Variants in MAGEB4 observed in about 807,000 individuals in gnomAD.
The protein encoded by MAGEB4 is melanoma-associated antigen B4.
For missense variants in MAGEB4, 237 were observed against 269.3 expected (o/e 0.88, Z 0.84); for synonymous variants, 101 against 101.9 (o/e 0.99, Z 0.05).
At position 30,242,782 on chromosome X, in the gene MAGEB4, G is replaced by A. The variant is rs770408937; in HGVS notation, c.647G>A (p.Arg216His). The A allele has an allele frequency of 2.6e-5, 32 of 1,210,232 alleles. No individual in the cohort carries two copies. Among genetic ancestry groups the A allele is most frequent in the East Asian group, 5.9e-5 (2 of 33,793 alleles). ...ATCTTCTTAAATGGCAACTGTGCCC[G>A]TGAAGAGGAAATCTGGGAATTCCTG... The part of the protein sequence containing the change: ...SVIFLNGNCA[R>H]EEEIWEFLNM... Residue 216 changes from arginine (R) to histidine (H), a missense_variant, in exon 1 of 1, where the codon CGT (arginine) becomes CAT (histidine). Physicochemically the swap from Arg to His is conservative, Grantham distance 29. Coordinates refer to ENST00000378982, the MANE Select transcript of MAGEB4 (RefSeq NM_002367.4).
In MAGEB4 at chrX:30,242,683, G is replaced by A. The variant is rs141709716; in HGVS notation, c.548G>A (p.Gly183Asp). The A allele has an allele frequency of 4.1e-6, 5 of 1,210,118 alleles. No individual in the cohort carries two copies. The African/African-American group carries it at 8.7e-5, about 21-fold the overall frequency. Reference protein sequence around the residue: ...THSYILVSMLGPNDGNQSSAW... With the variant: ...THSYILVSMLDPNDGNQSSAW... ...TCCTACATCCTCGTCAGCATGCTAG[G>A]CCCCAACGATGGAAACCAGAGCAGT... Residue 183 changes from glycine to aspartate, a missense_variant, in exon 1 of 1, where the codon GGC becomes GAC. Physicochemically the swap from Gly to Asp is moderately conservative, Grantham distance 94. Coordinates refer to ENST00000378982, the MANE Select transcript of MAGEB4 (RefSeq NM_002367.4).
At position 30,242,717 on chromosome X, in the gene MAGEB4, C is replaced by A. The variant is rs1193369755; in HGVS notation, c.582C>A (p.Thr194=). The stretch of plus-strand genomic sequence containing the variant: ...ATGGAAACCAGAGCAGTGCCTGGAC[C>A]CTTCCAAGGAATGGGCTTCTGATGC... ...PNDGNQSSAW[T]LPRNGLLMPL... The change falls in exon 1 of 1, where the codon ACC becomes ACA. Residue 194 remains threonine (T), a synonymous_variant. Coordinates refer to ENST00000378982, the MANE Select transcript of MAGEB4 (RefSeq NM_002367.4). 1 of 1,209,576 alleles carries A rather than the reference C, an allele frequency of 8.3e-7. No homozygotes were observed. The highest frequency in any genetic ancestry group is 1.7e-5 in the African/African-American group (1 of 57,229).
At position 30,242,493 on chromosome X, in the gene MAGEB4, C is replaced by T. The variant is rs1217915259; in HGVS notation, c.358C>T (p.Leu120=). 8.3e-7 allele frequency: 1 copy of T among 1,210,766 alleles called. No individual in the cohort carries two copies. Among genetic ancestry groups the T allele is most frequent in the Admixed American group, 2.2e-5 (1 of 46,049 alleles). The part of the protein sequence containing the change: ...TRKTKMLVQF[L]LYKYKMKEPT... ...GAAGACGAAGATGTTAGTGCAGTTCCTGCTGTACAAGTATAAAATGAAAGA... is the reference window on the plus strand; with the variant it reads ...GAAGACGAAGATGTTAGTGCAGTTCTTGCTGTACAAGTATAAAATGAAAGA... Residue 120 remains leucine, a synonymous_variant, in exon 1 of 1, where the codon CTG becomes TTG. Coordinates refer to ENST00000378982, the MANE Select transcript of MAGEB4 (RefSeq NM_002367.4).
rs149213172 is a variant in MAGEB4 at position 30,242,445 on chromosome X, T to A, written c.310T>A (p.Ser104Thr). 4.1e-6 allele frequency: 5 copies of A among 1,207,296 alleles called. No individual in the cohort carries two copies. The African/African-American group carries it at 8.8e-5, about 21-fold the overall frequency. Residue 104 changes from serine to threonine, a missense_variant, in exon 1 of 1, where the codon TCA (serine) becomes ACA (threonine). Physicochemically the swap from Ser to Thr is moderately conservative, Grantham distance 58 (BLOSUM62 1). Coordinates refer to ENST00000378982, the MANE Select transcript of MAGEB4 (RefSeq NM_002367.4). ...SSQASTSTERSLKDSLTRKTK... is the reference protein window; with the variant it reads ...SSQASTSTERTLKDSLTRKTK... Reference sequence around the variant, plus strand: ...CCAGGCCTCAACATCCACTGAGAGATCACTCAAAGATTCTCTAACCAGGAA... The same window carrying A: ...CCAGGCCTCAACATCCACTGAGAGAACACTCAAAGATTCTCTAACCAGGAA...
Position 30,242,592 on chromosome X carries a change from A to G in MAGEB4, c.457A>G (p.Lys153Glu). 1 of 1,210,695 alleles carries G rather than the reference A, an allele frequency of 8.3e-7. No homozygotes were observed. The highest frequency in any genetic ancestry group is 1.1e-6 in the Non-Finnish European group (1 of 894,788). Residue 153 changes from lysine (K) to glutamate (E), a missense_variant, in exon 1 of 1, where the codon AAA (lysine) becomes GAA (glutamate). Transcript: ENST00000378982. ...YKEHFPEIFR[K>E]VSQRTELVFG... Reference sequence around the variant, plus strand: ...GGAGCACTTCCCTGAGATCTTCAGGAAAGTCTCTCAGCGCACGGAGCTGGT... The same window carrying G: ...GGAGCACTTCCCTGAGATCTTCAGGGAAGTCTCTCAGCGCACGGAGCTGGT...
Position 30,242,072 on chromosome X carries a change from C to T in MAGEB4, c.-64C>T. On this transcript the variant is annotated 5_prime_UTR_variant, in exon 1 of 1. Coordinates refer to ENST00000378982, the MANE Select transcript of MAGEB4 (RefSeq NM_002367.4). ...TTCTCAGGATTTCATTTGCTCTTCTCCAGGAACCACATCACCTGCCCTTCT... is the reference window on the plus strand; with the variant it reads ...TTCTCAGGATTTCATTTGCTCTTCTTCAGGAACCACATCACCTGCCCTTCT... 1 of 967,854 alleles carries T rather than the reference C, an allele frequency of 1.0e-6. No individual in the cohort carries two copies. Among genetic ancestry groups the T allele is most frequent in the African/African-American group, 1.9e-5 (1 of 51,878 alleles). 79.8% of individuals were successfully genotyped at this position (967,854 alleles called of 1,213,427 possible).
Position 30,243,022 on chromosome X carries a change from C to T in MAGEB4, c.887C>T (p.Thr296Ile), listed in dbSNP as rs1039297460. Residue 296 changes from threonine (T) to isoleucine (I), a missense_variant, in exon 1 of 1, where the codon ACC becomes ATC. Coordinates refer to ENST00000378982, the MANE Select transcript of MAGEB4 (RefSeq NM_002367.4). ...TTTTTGGCCAAGGTGAATGACACCA[C>T]CCCCAATAACTTCCCACTGCTTTAT... ...LEFLAKVNDTTPNNFPLLYEE... is the reference protein window; with the variant it reads ...LEFLAKVNDTIPNNFPLLYEE... 2 of 1,209,793 alleles carry T rather than the reference C, an allele frequency of 1.7e-6. No individual in the cohort carries two copies. Among genetic ancestry groups the T allele is most frequent in the African/African-American group, 3.5e-5 (2 of 57,060 alleles).
In MAGEB4 at chrX:30,242,113, T is replaced by C; in HGVS notation, c.-23T>C. The C allele has an allele frequency of 9.0e-7, 1 of 1,114,638 alleles. No individual in the cohort carries two copies. The highest frequency in any genetic ancestry group is 1.2e-6 in the Non-Finnish European group (1 of 844,981). The allele number at this position is 1,114,638 out of a possible 1,213,427, so 91.9% of individuals were successfully genotyped here. On this transcript the variant is annotated 5_prime_UTR_variant, in exon 1 of 1. Transcript: ENST00000378982. Reference sequence around the variant, plus strand: ...CTGCCCTTCTGCCTACACTCCTGCCTGCTGTGCCTAACCACAGCCATCATG... The same window carrying C: ...CTGCCCTTCTGCCTACACTCCTGCCCGCTGTGCCTAACCACAGCCATCATG...
Position 30,242,565 on chromosome X carries a change from A to G in MAGEB4, c.430A>G (p.Lys144Glu), listed in dbSNP as rs1417494031. 4 of 1,209,507 alleles carry G rather than the reference A, an allele frequency of 3.3e-6. No individual in the cohort carries two copies. The Admixed American group carries it at 6.5e-5, about 20-fold the overall frequency. Residue 144 changes from lysine (K) to glutamate (E), a missense_variant, in exon 1 of 1, where the codon AAG becomes GAG. By Grantham distance (56) the Lys-to-Glu change is moderately conservative. Transcript: ENST00000378982. ...EMLKIISKKY[K>E]EHFPEIFRKV... Reference sequence around the variant, plus strand: ...GCTGAAGATCATCAGCAAAAAGTACAAGGAGCACTTCCCTGAGATCTTCAG... The same window carrying G: ...GCTGAAGATCATCAGCAAAAAGTACGAGGAGCACTTCCCTGAGATCTTCAG...
At position 30,242,670 on chromosome X, in the gene MAGEB4, G is replaced by T; in HGVS notation, c.535G>T (p.Val179Phe). ...VNPTTHSYIL[V>F]SMLGPNDGNQ... Reference sequence around the variant, plus strand: ...CCCCACCACTCACTCCTACATCCTCGTCAGCATGCTAGGCCCCAACGATGG... The same window carrying T: ...CCCCACCACTCACTCCTACATCCTCTTCAGCATGCTAGGCCCCAACGATGG... The change falls in exon 1 of 1, where the codon GTC becomes TTC. Residue 179 changes from valine to phenylalanine, a missense_variant. Coordinates refer to ENST00000378982, the MANE Select transcript of MAGEB4 (RefSeq NM_002367.4). 1 of 1,211,717 alleles carries T rather than the reference G, an allele frequency of 8.3e-7. No homozygotes were observed. The highest frequency in any genetic ancestry group is 1.1e-6 in the Non-Finnish European group (1 of 895,507).
chrX:30,243,140 C>T lies in MAGEB4; in HGVS notation c.1005C>T (p.Ser335=). Residue 335 remains serine, a synonymous_variant, in exon 1 of 1, where the codon TCC becomes TCT. Transcript: ENST00000378982. ...RGTTAMTSAY[S]RATSSSSSQP... is the part of the protein sequence containing the mutation. Reference sequence around the variant, plus strand: ...CTACAGCCATGACTAGTGCGTATTCCAGGGCCACATCCAGTAGCTCTTCCC... The same window carrying T: ...CTACAGCCATGACTAGTGCGTATTCTAGGGCCACATCCAGTAGCTCTTCCC... 8.4e-7 allele frequency: 1 copy of T among 1,187,773 alleles called. No individual in the cohort carries two copies. The highest frequency in any genetic ancestry group is 1.1e-6 in the Non-Finnish European group (1 of 883,637).
Position 30,242,839 on chromosome X carries a change from AC to A in MAGEB4, c.706del (p.Ile237SerfsTer47). 8.3e-7 allele frequency: 1 copy of A among 1,211,573 alleles called. No homozygotes were observed. The highest frequency in any genetic ancestry group is 1.1e-6 in the Non-Finnish European group (1 of 895,135). On this transcript the variant is annotated frameshift_variant, in exon 1 of 1. Transcript: ENST00000378982. LOFTEE classifies it low-confidence loss of function (END_TRUNC). ...CTGGGGATCTATGATGGAAAGAGGC[AC>A]CTTATCTTTGGGGAACCCCGAAAGC... ...NMLGIYDGKR[H>X]LIFGEPRKLI...
Position 30,242,076 on chromosome X carries a change from G to C in MAGEB4, c.-60G>C. The C allele has an allele frequency of 1.0e-6, 1 of 974,103 alleles. No homozygotes were observed. The highest frequency in any genetic ancestry group is 1.4e-6 in the Non-Finnish European group (1 of 727,719). 80.3% of individuals were successfully genotyped at this position (974,103 alleles called of 1,213,427 possible). ...CAGGATTTCATTTGCTCTTCTCCAG[G>C]AACCACATCACCTGCCCTTCTGCCT... is the stretch of plus-strand genomic sequence containing the variant. On this transcript the variant is annotated 5_prime_UTR_variant, in exon 1 of 1. Transcript: ENST00000378982.
At position 30,242,616 on chromosome X, in the gene MAGEB4, G is replaced by A. The variant is rs1340878681; in HGVS notation, c.481G>A (p.Val161Ile). ...FRKVSQRTELVFGLALKEVNP... is the reference protein window; with the variant it reads ...FRKVSQRTELIFGLALKEVNP... ...GAAAGTCTCTCAGCGCACGGAGCTG[G>A]TCTTTGGCCTTGCCTTGAAGGAGGT... Residue 161 changes from valine to isoleucine, a missense_variant, in exon 1 of 1, where the codon GTC becomes ATC. Coordinates refer to ENST00000378982, the MANE Select transcript of MAGEB4 (RefSeq NM_002367.4). 8.3e-7 allele frequency: 1 copy of A among 1,211,490 alleles called. No homozygotes were observed. The highest frequency in any genetic ancestry group is 1.1e-6 in the Non-Finnish European group (1 of 895,446).
At position 30,242,840 on chromosome X, in the gene MAGEB4, C is replaced by T. The variant is rs765563739; in HGVS notation, c.705C>T (p.His235=). 2.0e-5 allele frequency: 24 copies of T among 1,210,025 alleles called. No homozygotes were observed. The Admixed American group carries it at 5.0e-4, about 25-fold the overall frequency. ...NMLGIYDGKR[H]LIFGEPRKLI... ...TGGGGATCTATGATGGAAAGAGGCA[C>T]CTTATCTTTGGGGAACCCCGAAAGC... The change falls in exon 1 of 1, where the codon CAC becomes CAT. Residue 235 remains histidine (H), a synonymous_variant. Coordinates refer to ENST00000378982, the MANE Select transcript of MAGEB4 (RefSeq NM_002367.4).
rs1925211269 is a variant in MAGEB4, at chrX:30,243,419, A to T, written c.*243A>T. The stretch of plus-strand genomic sequence containing the variant: ...TTTGAAATACAAATAGAAAATCCTG[A>T]AATAATTTTTGTGATACAGAGCAAA... On this transcript the variant is annotated 3_prime_UTR_variant, in exon 1 of 1. Coordinates refer to ENST00000378982, the MANE Select transcript of MAGEB4 (RefSeq NM_002367.4). 2 of 310,144 alleles carry T rather than the reference A, an allele frequency of 6.4e-6. No homozygotes were observed. Among genetic ancestry groups the T allele is most frequent in the African/African-American group, 5.3e-5 (2 of 37,645 alleles). 25.6% of individuals were successfully genotyped at this position (310,144 alleles called of 1,213,427 possible).
In MAGEB4 at chrX:30,242,916, C is replaced by G; in HGVS notation, c.781C>G (p.Pro261Ala). 1 of 1,212,038 alleles carries G rather than the reference C, an allele frequency of 8.3e-7. No individual in the cohort carries two copies. The highest frequency in any genetic ancestry group is 1.1e-6 in the Non-Finnish European group (1 of 895,497). Residue 261 changes from proline (P) to alanine (A), a missense_variant, in exon 1 of 1, where the codon CCC becomes GCC. Coordinates refer to ENST00000378982, the MANE Select transcript of MAGEB4 (RefSeq NM_002367.4). ...AAAATATCTGGAATACCAGCAGGTG[C>G]CCAACAGTGATCCCCCACGCTATCA... ...QEKYLEYQQV[P>A]NSDPPRYQFL...
At position 30,243,177 on chromosome X, in the gene MAGEB4, G is replaced by C. The variant is rs1373343472; in HGVS notation, c.*1G>C. 6 of 1,140,269 alleles carry C rather than the reference G, an allele frequency of 5.3e-6. No homozygotes were observed. The highest frequency in any genetic ancestry group is 7.0e-6 in the Non-Finnish European group (6 of 861,697). 94.0% of individuals were successfully genotyped at this position (1,140,269 alleles called of 1,213,427 possible). A position where few individuals can be genotyped will look rare whatever the true frequency, so the allele number is the denominator to read the frequency against. On this transcript the variant is annotated 3_prime_UTR_variant, in exon 1 of 1. Coordinates refer to ENST00000378982, the MANE Select transcript of MAGEB4 (RefSeq NM_002367.4). ...CAGTAGCTCTTCCCAACCCATGTGA[G>C]ATCTAAGGCAAATTGTTCACTTTGT...
In MAGEB4 at chrX:30,242,210, C is replaced by T. The variant is rs140958735; in HGVS notation, c.75C>T (p.Leu25=). Residue 25 remains leucine (L), a synonymous_variant, in exon 1 of 1, where the codon CTC becomes CTT. Transcript: ENST00000378982. ...RQRTRGQTQD[L]KVGQPTAAEK... is the part of the protein sequence containing the mutation. The stretch of plus-strand genomic sequence containing the variant: ...GGACCCGTGGTCAGACCCAGGATCT[C>T]AAGGTTGGTCAGCCTACTGCAGCAG... The T allele has an allele frequency of 4.0e-4, 466 of 1,175,099 alleles. 1 individual carries two copies. The African/African-American group carries it at 6.8e-3, about 17-fold the overall frequency.
Sources: gnomAD v4.1 joint callset for allele counts on GRCh38, gnomAD v4.1.1 for gene constraint, MANE v1.5 for transcripts, NCBI Gene and HGNC (gene_info 2026-07-23, HGNC 2026-07-21) for gene names.